Variants in MARCHF11 observed in about 807,000 individuals in gnomAD.
The protein encoded by MARCHF11 is E3 ubiquitin-protein ligase MARCHF11.
In MARCHF11, 29 loss-of-function variants were observed where a neutral mutation model predicts 37.3. The ratio of observed to expected loss-of-function variants is 0.78; its 90% confidence interval spans 0.58 to 1.06. The LOEUF is 1.06. Among genes scored for constraint, MARCHF11 ranks in the 50% least tolerant of loss-of-function variants. The pLI is 0.00. For missense variants in MARCHF11, 482 were observed against 533.4 expected (o/e 0.90, Z 0.95); for synonymous variants, 233 against 228.0 (o/e 1.02, Z -0.20).
chr5:16,099,861 T>A lies in MARCHF11; in HGVS notation c.694-8780A>T, dbSNP rs375247620. Among the ~76,000 whole-genome samples, 37 of 152,256 alleles carry A rather than the reference T, an allele frequency of 2.4e-4. No individual in the cohort carries two copies. The East Asian group carries it at 5.2e-3, about 21-fold the overall frequency. On this transcript the variant is annotated intron_variant, in intron 2 of 3. Coordinates refer to ENST00000332432, the MANE Select transcript of MARCHF11 (RefSeq NM_001102562.3). The stretch of plus-strand genomic sequence containing the variant: ...GTTCATTAAAATACCTTGAACTCAA[T>A]CATGCCACGAACAGAAAAGCAGAGA...
Position 16,090,940 on chromosome 5 carries a change from G to C in MARCHF11, c.835C>G (p.Leu279Val). 1 of 1,610,850 alleles carries C rather than the reference G, an allele frequency of 6.2e-7. No homozygotes were observed. Among genetic ancestry groups the C allele is most frequent in the Non-Finnish European group, 8.5e-7 (1 of 1,179,192 alleles). ...TACATTCCATAGCAGATCTGAAAAAGGATGTCCTTCCTCTGCCACACTGCA... is the reference window on the plus strand; with the variant it reads ...TACATTCCATAGCAGATCTGAAAAACGATGTCCTTCCTCTGCCACACTGCA... ...PYAVWQRKDILFQICYGMYGF... is the reference protein window; with the variant it reads ...PYAVWQRKDIVFQICYGMYGF... Residue 279 changes from leucine to valine, a missense_variant, in exon 3 of 4, where the codon CTT becomes GTT. Transcript: ENST00000332432.
chr5:16,134,850 A>T (rs375269330), intron 2 of MARCHF11, among the ~76,000 whole-genome samples: 31 of 152,286 alleles, frequency 2.0e-4, no homozygotes, highest in African/African-American at 7.0e-4. Context: ...AAAACTTGAT[A>T]AAAAATTTAG....
At chr5:16,170,385 A>C (rs1579426065) in intron 2 of MARCHF11, among the ~76,000 whole-genome samples, 1 of 149,360 alleles carries the variant, frequency 6.7e-6, no homozygotes, top group Non-Finnish European at 1.5e-5. Flanking sequence ...ATAAAAAAAA[A>C]TTCTGGGTTT....
intron 2 of MARCHF11, among the ~76,000 whole-genome samples, chr5:16,146,971 GAGAT>G (rs1255597921): frequency 5.9e-5 from 9 of 152,256 alleles, no homozygotes; most frequent in African/African-American, 2.2e-4. Context: ...GACTCAGAGA[GAGAT>G]AGAGAAACAT....
chr5:16,146,504 C>T (rs1178358474), intron 2 of MARCHF11, among the ~76,000 whole-genome samples: 1 of 152,150 alleles, frequency 6.6e-6, no homozygotes, highest in Non-Finnish European at 1.5e-5. Context: ...ACTTGGAGAA[C>T]AGTAGAAAGA....
At chr5:16,095,430 T>A (rs1196664431) in intron 2 of MARCHF11, among the ~76,000 whole-genome samples, 1 of 134,198 alleles carries the variant, frequency 7.5e-6, no homozygotes, top group Non-Finnish European at 1.5e-5. Context: ...TGGAGGGCGA[T>A]TAAGAGGAAG....
chr5:16,153,061 G>A (rs1416398039), intron 2 of MARCHF11, among the ~76,000 whole-genome samples: 2 of 151,954 alleles, frequency 1.3e-5, no homozygotes, highest in Non-Finnish European at 2.9e-5. Flanking sequence ...CCTACCCTCT[G>A]CTTCACAATG....
intron 2 of MARCHF11, among the ~76,000 whole-genome samples, chr5:16,095,463 GGGAAGGAAGGAA>G (rs200720532): frequency 7.6e-6 from 1 of 132,144 alleles, no homozygotes; most frequent in Non-Finnish European, 1.5e-5. Context: ...CAGGGAAGGA[GGGAAGGAAGGAA>G]GGAAGGAAGG....
At chr5:16,153,100 T>C (rs894300169) in intron 2 of MARCHF11, among the ~76,000 whole-genome samples, 2 of 151,970 alleles carry the variant, frequency 1.3e-5, no homozygotes, top group African/African-American at 4.8e-5. Flanking sequence ...TTGTCCATAA[T>C]GGCAGAAGCA....
At chr5:16,107,419 C>T (rs762663020) in intron 2 of MARCHF11, among the ~76,000 whole-genome samples, 1 of 151,464 alleles carries the variant, frequency 6.6e-6, no homozygotes, top group Non-Finnish European at 1.5e-5. Context: ...CTTCAAAAAA[C>T]GTCTTTGACA....
At chr5:16,123,758 T>C (rs1737353052) in intron 2 of MARCHF11, among the ~76,000 whole-genome samples, 1 of 152,146 alleles carries the variant, frequency 6.6e-6, no homozygotes, top group Non-Finnish European at 1.5e-5. Context: ...ATAATGTCAG[T>C]GTTCAGCAGA....
chr5:16,124,725 C>T (rs1174939561), intron 2 of MARCHF11, among the ~76,000 whole-genome samples: 2 of 151,622 alleles, frequency 1.3e-5, no homozygotes, highest in African/African-American at 4.8e-5. Context: ...AGGAACTTTA[C>T]TTCCATTCAT....
rs148528073 is a variant in MARCHF11 at position 16,133,477 on chromosome 5, A to T, written c.694-42396T>A. Among the ~76,000 whole-genome samples, 300 of 152,306 alleles carry T rather than the reference A, an allele frequency of 2.0e-3. 1 individual carries two copies. The highest frequency in any genetic ancestry group is 6.9e-3 in the African/African-American group (288 of 41,558). On this transcript the variant is annotated intron_variant, in intron 2 of 3. Coordinates refer to ENST00000332432, the MANE Select transcript of MARCHF11 (RefSeq NM_001102562.3). ...CCACAGAGGCATGAGAGAATCCAAC[A>T]AGACCAAAAGACCACATAGATACAT...
chr5:16,119,961 C>T (rs1277491319), intron 2 of MARCHF11, among the ~76,000 whole-genome samples: 3 of 152,172 alleles, frequency 2.0e-5, no homozygotes, highest in Non-Finnish European at 2.9e-5. Flanking sequence ...GTACATATGC[C>T]GCTAAGTGCT....
At chr5:16,083,979 C>A (rs1043064817) in intron 3 of MARCHF11, among the ~76,000 whole-genome samples, 1 of 152,128 alleles carries the variant, frequency 6.6e-6, no homozygotes, top group Non-Finnish European at 1.5e-5. Context: ...TCCTGAATTT[C>A]GTTTTCAAAA....
At chr5:16,115,735 C>T (rs1269145931) in intron 2 of MARCHF11, among the ~76,000 whole-genome samples, 3 of 151,686 alleles carry the variant, frequency 2.0e-5, no homozygotes, top group Non-Finnish European at 2.9e-5. Flanking sequence ...TCAAGAGATT[C>T]TCCTGCCTCA....
chr5:16,129,613 CA>C (rs1051610935), intron 2 of MARCHF11, among the ~76,000 whole-genome samples: 2 of 152,006 alleles, frequency 1.3e-5, no homozygotes, highest in Non-Finnish European at 2.9e-5. Flanking sequence ...AATTATATTT[CA>C]AACAACTTGT....
intron 2 of MARCHF11, among the ~76,000 whole-genome samples, chr5:16,093,420 T>C (rs898460518): frequency 1.3e-5 from 2 of 152,190 alleles, no homozygotes; most frequent in South Asian, 2.1e-4. Flanking sequence ...GTGGTGTCTG[T>C]AGACATAGTG....
At chr5:16,147,051 A>G (rs1027196703) in intron 2 of MARCHF11, among the ~76,000 whole-genome samples, 1 of 152,198 alleles carries the variant, frequency 6.6e-6, no homozygotes, top group African/African-American at 2.4e-5. Flanking sequence ...AGATAAATTT[A>G]TCAAAAGAAA....
Sources: allele counts gnomAD v4.1 joint callset (sites outside exome capture counted in the v4.1 genomes callset), GRCh38; gene constraint gnomAD v4.1.1; transcripts MANE v1.5; gene names NCBI Gene and HGNC (gene_info 2026-07-23, HGNC 2026-07-21).